Variants in HIF3A observed in about 807,000 individuals in gnomAD.
HIF3A encodes hypoxia-inducible factor 3-alpha.
Under a neutral mutation model 67.2 loss-of-function variants are expected in HIF3A, and 41 were observed. The ratio of observed to expected loss-of-function variants is 0.61; its 90% CI spans 0.48 to 0.79. The LOEUF is 0.79. HIF3A is among the 30% of genes least tolerant of loss of function. HIF3A has a pLI of 0.00. For missense variants in HIF3A, 855 were observed against 898.0 expected (o/e 0.95, Z 0.61); for synonymous variants, 356 against 374.8 (o/e 0.95, Z 0.58).
intron 6 of HIF3A, 183 bp from the exon 7 acceptor site, chr19:46,311,978 G>A: frequency 1.3e-6 from 1 of 762,520 alleles, no homozygotes; most frequent in Non-Finnish European, 2.4e-6. Flanking sequence ...GGACATCTTT[G>A]GGGGTCATTA....
Position 46,297,326 on chromosome 19 carries a change from T to C in HIF3A, c.26+224T>C, listed in dbSNP as rs1485617285. Among the ~76,000 whole-genome samples the C allele has an allele frequency of 6.6e-6, 1 of 152,122 alleles. No homozygotes were observed. Among genetic ancestry groups the C allele is most frequent in the Non-Finnish European group, 1.5e-5 (1 of 68,008 alleles). Reference sequence around the variant, plus strand: ...CCCCGCCCCTCTGGCCAAGAGCGGCTTCGGGGTTCCCGATTTCTCGCTACC... The same window carrying C: ...CCCCGCCCCTCTGGCCAAGAGCGGCCTCGGGGTTCCCGATTTCTCGCTACC... On this transcript the variant is annotated intron_variant, in intron 1 of 14. Coordinates refer to ENST00000377670, the MANE Select transcript of HIF3A (RefSeq NM_152795.4). This position sits in a 1 kb window ranked among gnomAD's most constrained non-coding sequence, Gnocchi z 4.5.
intron 3 of HIF3A, among the ~76,000 whole-genome samples, chr19:46,307,615 G>A (rs1968972503): frequency 6.6e-6 from 1 of 152,050 alleles, no homozygotes. Context: ...GGGTGTGGTG[G>A]CACATGTCTG....
intron 1 of HIF3A, chr19:46,298,350 G>A (rs1293706743): frequency 2.3e-6 from 3 of 1,279,708 alleles, no homozygotes; most frequent in Non-Finnish European, 3.1e-6. Flanking sequence ...GCCCCTCTTG[G>A]CTGAGCTCGG....
intron 13 of HIF3A, among the ~76,000 whole-genome samples, chr19:46,332,573 A>G (rs1300205110): frequency 6.6e-6 from 1 of 152,204 alleles, no homozygotes; most frequent in African/African-American, 2.4e-5. Flanking sequence ...AGCCTGGACT[A>G]TGTCACTTCT....
At chr19:46,338,772 C>T (rs1030259769) in intron 14 of HIF3A, among the ~76,000 whole-genome samples, 8 of 152,108 alleles carry the variant, frequency 5.3e-5, no homozygotes, top group South Asian at 2.1e-4. Flanking sequence ...AATAGCAATG[C>T]CTGGATTCAA....
At position 46,320,499 on chromosome 19, in the gene HIF3A, G is replaced by A. The variant is rs778202960; in HGVS notation, c.1082G>A (p.Arg361His). The change falls in exon 9 of 15, where the codon CGC (arginine) becomes CAC (histidine). Residue 361 changes from arginine (R) to histidine (H), a missense_variant. By Grantham distance (29) the Arg-to-His change is conservative (BLOSUM62 0). Transcript: ENST00000377670. ...CTGGAGCAAACGGAGCAACACTCTCGCAGACCCATTCAGCGGGGCGCCCCC... is the reference window on the plus strand; with the variant it reads ...CTGGAGCAAACGGAGCAACACTCTCACAGACCCATTCAGCGGGGCGCCCCC... ...LSLEQTEQHS[R>H]RPIQRGAPSQ... 10 of 1,613,980 alleles carry A rather than the reference G, an allele frequency of 6.2e-6. No homozygotes were observed. Among genetic ancestry groups the A allele is most frequent in the African/African-American group, 4.0e-5 (3 of 74,932 alleles).
intron 4 of HIF3A, 57 bp downstream of exon 4, chr19:46,308,362 C>A: frequency 9.3e-7 from 1 of 1,076,290 alleles, no homozygotes; most frequent in Non-Finnish European, 1.4e-6. Flanking sequence ...TGAGGCTCCA[C>A]CCCTCCCTCA....
chr19:46,320,377 AG>A (rs1970267012), intron 8 of HIF3A, 65 bp from the exon 9 acceptor site: 1 of 1,285,370 alleles, frequency 7.8e-7, no homozygotes, highest in African/African-American at 1.5e-5. Flanking sequence ...TCACCTGAAC[AG>A]GCTTTCTGGG....
chr19:46,319,534 C>T (rs1970195819), intron 8 of HIF3A, among the ~76,000 whole-genome samples: 1 of 152,034 alleles, frequency 6.6e-6, no homozygotes, highest in Non-Finnish European at 1.5e-5. Context: ...TAAACCTGTT[C>T]CCTTGAGTAT....
chr19:46,309,703 T>C (rs550911724), intron 6 of HIF3A, among the ~76,000 whole-genome samples: 1 of 152,138 alleles, frequency 6.6e-6, no homozygotes, highest in African/African-American at 2.4e-5. Flanking sequence ...GTCTTTCTCT[T>C]AGTGTTTGTC....
At chr19:46,326,487 G>A (rs1970791187) in intron 11 of HIF3A, among the ~76,000 whole-genome samples, 1 of 152,010 alleles carries the variant, frequency 6.6e-6, no homozygotes, top group African/African-American at 2.4e-5. Flanking sequence ...CAAGAGGCAG[G>A]GATCATTGGG....
chr19:46,331,804 G>C (rs1971247760), intron 13 of HIF3A, among the ~76,000 whole-genome samples: 1 of 146,052 alleles, frequency 6.8e-6, no homozygotes, highest in Non-Finnish European at 1.5e-5. Flanking sequence ...GCAGTGAGCT[G>C]AGATCGTGCC....
chr19:46,332,739 T>A (rs1207784584), intron 13 of HIF3A, among the ~76,000 whole-genome samples: 4 of 152,092 alleles, frequency 2.6e-5, no homozygotes, highest in African/African-American at 9.7e-5. Flanking sequence ...ATCCCAGCAC[T>A]TTGGGAGGAT....
At chr19:46,322,927 T>A (rs1312465779) in intron 10 of HIF3A, among the ~76,000 whole-genome samples, 1 of 152,192 alleles carries the variant, frequency 6.6e-6, no homozygotes, top group Non-Finnish European at 1.5e-5. Context: ...GAAACCTCCA[T>A]GGGTCAGCTA....
intron 1 of HIF3A, among the ~76,000 whole-genome samples, chr19:46,301,449 C>G (rs902801415): frequency 6.6e-6 from 1 of 152,174 alleles, no homozygotes; most frequent in Non-Finnish European, 1.5e-5. Flanking sequence ...AATCCCAGCT[C>G]AGCCAGTTGT....
intron 13 of HIF3A, among the ~76,000 whole-genome samples, chr19:46,334,579 T>C (rs1341538870): frequency 6.6e-6 from 1 of 152,028 alleles, no homozygotes; most frequent in Non-Finnish European, 1.5e-5. Context: ...AGAGATAGGA[T>C]CTCTGTCACC....
chr19:46,312,641 A>G lies in HIF3A; in HGVS notation c.1013A>G (p.His338Arg), dbSNP rs368922899. 3.4e-5 allele frequency: 53 copies of G among 1,558,416 alleles called. No individual in the cohort carries two copies. The highest frequency in any genetic ancestry group is 4.4e-5 in the Non-Finnish European group (51 of 1,151,654). Reference sequence around the variant, plus strand: ...CAGTCGGAGAGTATCGTCTGTGTCCATTTTTTAATCAGGTAAGCAGGAGGA... The same window carrying G: ...CAGTCGGAGAGTATCGTCTGTGTCCGTTTTTTAATCAGGTAAGCAGGAGGA... ...GPQSESIVCVHFLISQVEETG... is the reference protein window; with the variant it reads ...GPQSESIVCVRFLISQVEETG... The change falls in exon 8 of 15, where the codon CAT becomes CGT. Residue 338 changes from histidine to arginine, a missense_variant. His to Arg is a conservative substitution (Grantham distance 29). Coordinates refer to ENST00000377670, the MANE Select transcript of HIF3A (RefSeq NM_152795.4).
intron 2 of HIF3A, chr19:46,304,922 A>C: frequency 2.4e-6 from 1 of 410,322 alleles, no homozygotes; most frequent in Non-Finnish European, 4.6e-6. Context: ...GCCCCTTCAT[A>C]TTTTGACCCT....
rs1018739780 is a variant in HIF3A at position 46,298,419 on chromosome 19, C to T, written c.26+1317C>T. ...CCTGTGGAGTCATCTCACCGCCGTG[C>T]GCACCCACTCGTAACTCGCACCCGG... On this transcript the variant is annotated intron_variant, in intron 1 of 14. Coordinates refer to ENST00000377670, the MANE Select transcript of HIF3A (RefSeq NM_152795.4). 7.8e-6 allele frequency: 10 copies of T among 1,287,756 alleles called. No individual in the cohort carries two copies. The African/African-American group carries it at 9.1e-5, about 12-fold the overall frequency. The allele number at this position is 1,287,756 out of a possible 1,614,324, so 79.8% of individuals were successfully genotyped here.
Sources: allele counts gnomAD v4.1 joint callset (sites outside exome capture counted in the v4.1 genomes callset), GRCh38; gene constraint gnomAD v4.1.1; non-coding constraint Gnocchi (gnomAD v3.1); transcripts MANE v1.5; gene names NCBI Gene and HGNC (gene_info 2026-07-23, HGNC 2026-07-21).